Variants in ANKFY1 observed in about 807,000 individuals in gnomAD.
The protein encoded by ANKFY1 is ankyrin repeat and FYVE domain-containing protein 1.
A neutral mutation model predicts 128.3 loss-of-function variants in ANKFY1; 47 were observed. That is an observed-to-expected ratio of 0.37 (90% CI 0.29 to 0.47). The LOEUF is 0.47. Among genes scored for constraint, ANKFY1 ranks in the 20% least tolerant of loss-of-function variants. The pLI, the probability that ANKFY1 is intolerant of heterozygous loss-of-function variation, is 1.00. For synonymous variants in ANKFY1, 553 were observed against 601.6 expected (o/e 0.92, Z 1.18); for missense variants, 1,222 against 1,510.6 (o/e 0.81, Z 3.17).
Position 4,182,234 on chromosome 17 carries a change from G to C in ANKFY1, c.2068C>G (p.Pro690Ala). The stretch of plus-strand genomic sequence containing the variant: ...TTTGCCAATGCAAGCCACAGCGGGG[G>C]GTTCCCCTTCTCATCTGGCACAGAC... ...DMSVPDEKGN[P>A]PLWLALANNL... is the part of the protein sequence containing the mutation. The change falls in exon 15 of 25, where the codon CCC becomes GCC. Residue 690 changes from proline to alanine, a missense_variant. Coordinates refer to ENST00000341657, the MANE Select transcript of ANKFY1 (RefSeq NM_001330063.2). 1 of 1,583,688 alleles carries C rather than the reference G, an allele frequency of 6.3e-7. No homozygotes were observed.
At chr17:4,223,126 C>CA (rs1355677253) in intron 3 of ANKFY1, 1 of 761,390 alleles carries the variant, frequency 1.3e-6, no homozygotes, top group Non-Finnish European at 2.4e-6. Flanking sequence ...TTGGTCGAAA[C>CA]AAAGATCAAG....
chr17:4,225,055 T>TAAA (rs35710004), intron 3 of ANKFY1, among the ~76,000 whole-genome samples: 1 of 147,956 alleles, frequency 6.8e-6, no homozygotes, highest in Non-Finnish European at 1.5e-5. Context: ...GTTTTATATT[T>TAAA]AAAAAAAAAA....
intron 2 of ANKFY1, among the ~76,000 whole-genome samples, chr17:4,238,152 TAAAAAA>T (rs55944256): frequency 1.1e-5 from 1 of 92,668 alleles, no homozygotes; most frequent in Non-Finnish European, 2.1e-5. Context: ...CTTATTTATT[TAAAAAA>T]AAAAAAAAAA....
chr17:4,184,694 T>C, intron 12 of ANKFY1, 124 bp downstream of exon 12: 8 of 1,075,152 alleles, frequency 7.4e-6, no homozygotes, highest in Non-Finnish European at 1.1e-5. Flanking sequence ...CCTGAAAGGA[T>C]TTTTTGGGGG....
In ANKFY1 at chr17:4,166,397, G is replaced by A. The variant is rs905170094; in HGVS notation, c.*1382C>T. 6.6e-6 allele frequency: 1 copy of A among 152,656 alleles called. No homozygotes were observed. Among genetic ancestry groups the A allele is most frequent in the Non-Finnish European group, 1.5e-5 (1 of 68,050 alleles). The allele number at this position is 152,656 out of a possible 1,614,324, so 9.5% of individuals were successfully genotyped here. ...TATGATTGAGATTGTTAATCTCTGA[G>A]TATAACACATATTGTTCATCTCAGA... On this transcript the variant is annotated 3_prime_UTR_variant, in exon 25 of 25. Coordinates refer to ENST00000341657, the MANE Select transcript of ANKFY1 (RefSeq NM_001330063.2).
chr17:4,185,473 G>T (rs2143005751), intron 11 of ANKFY1, among the ~76,000 whole-genome samples: 1 of 151,830 alleles, frequency 6.6e-6, no homozygotes, highest in East Asian at 1.9e-4. Flanking sequence ...AAAGTGCTGG[G>T]ATTACAAGCG....
At chr17:4,260,107 TAACA>T in intron 1 of ANKFY1, among the ~76,000 whole-genome samples, 1 of 152,146 alleles carries the variant, frequency 6.6e-6, no homozygotes, top group Non-Finnish European at 1.5e-5. Flanking sequence ...TGTTAATACT[TAACA>T]GAGAACTGGA....
chr17:4,247,228 T>C (rs1967591265), intron 1 of ANKFY1, among the ~76,000 whole-genome samples: 1 of 152,086 alleles, frequency 6.6e-6, no homozygotes, highest in African/African-American at 2.4e-5. Flanking sequence ...TCAGCCATCT[T>C]CCCCCTCTCT....
At chr17:4,241,534 A>G (rs77970039) in intron 2 of ANKFY1, among the ~76,000 whole-genome samples, 32 of 151,332 alleles carry the variant, frequency 2.1e-4, no homozygotes, top group Non-Finnish European at 3.8e-4. Context: ...TCGGCCTCCC[A>G]AAGTGCTGGG....
At chr17:4,168,052 G>T in intron 24 of ANKFY1, 141 bp from the exon 25 acceptor site, 1 of 841,614 alleles carries the variant, frequency 1.2e-6, no homozygotes, top group South Asian at 2.2e-5. Context: ...TGCCAGCCCG[G>T]TTACCACAAT....
At chr17:4,221,546 T>C (rs2060312701) in intron 3 of ANKFY1, among the ~76,000 whole-genome samples, 1 of 152,208 alleles carries the variant, frequency 6.6e-6, no homozygotes, top group Admixed American at 6.5e-5. Context: ...TTTTAATCTG[T>C]AAAAAGCTGA....
At chr17:4,261,466 C>G (rs1311870423) in intron 1 of ANKFY1, among the ~76,000 whole-genome samples, 1 of 152,112 alleles carries the variant, frequency 6.6e-6, no homozygotes, top group African/African-American at 2.4e-5. Flanking sequence ...GGCAACAGAG[C>G]GAGACTCCCT....
intron 1 of ANKFY1, chr17:4,249,130 G>A (rs1967709008): frequency 1.0e-6 from 1 of 985,094 alleles, no homozygotes; most frequent in Non-Finnish European, 1.2e-6. Context: ...GAGAAACCAA[G>A]AATGATTTTT....
chr17:4,194,953 C>T (rs2059789550), intron 10 of ANKFY1, 25 bp downstream of exon 10: 12 of 1,614,020 alleles, frequency 7.4e-6, no homozygotes, highest in Non-Finnish European at 1.0e-5. Flanking sequence ...CCCAGCGTCG[C>T]CCCTTCGGGA....
intron 1 of ANKFY1, among the ~76,000 whole-genome samples, chr17:4,259,763 A>C (rs1029916564): frequency 3.5e-4 from 54 of 152,172 alleles, no homozygotes; most frequent in Non-Finnish European, 3.7e-4. Flanking sequence ...ATGCTCAATA[A>C]ATTCATACAT....
At chr17:4,187,151 T>TC (rs2059627144) in intron 11 of ANKFY1, 2 of 573,142 alleles carry the variant, frequency 3.5e-6, no homozygotes, top group South Asian at 1.8e-4. Flanking sequence ...CCCACCGCCC[T>TC]CCCAAGCTTC....
At chr17:4,224,028 G>A (rs569516993) in intron 3 of ANKFY1, among the ~76,000 whole-genome samples, 8 of 152,158 alleles carry the variant, frequency 5.3e-5, no homozygotes, top group African/African-American at 1.9e-4. Context: ...GAACTGAAAG[G>A]GTTTTTGTAA....
At chr17:4,223,569 C>A (rs1481851849) in intron 3 of ANKFY1, 32 of 1,242,488 alleles carry the variant, frequency 2.6e-5, no homozygotes, top group Non-Finnish European at 3.8e-5. Flanking sequence ...AGTTTTCTAG[C>A]ACTAGTGATG....
At chr17:4,174,225 A>C (rs562421700) in intron 19 of ANKFY1, among the ~76,000 whole-genome samples, 169 bp from the exon 20 acceptor site, 54 of 152,348 alleles carry the variant, frequency 3.5e-4, no homozygotes, top group African/African-American at 1.3e-3. Flanking sequence ...AGCAGAAACC[A>C]GCAAAACCCG....
Sources: allele counts gnomAD v4.1 joint callset (sites outside exome capture counted in the v4.1 genomes callset), GRCh38; gene constraint gnomAD v4.1.1; transcripts MANE v1.5; gene names NCBI Gene and HGNC (gene_info 2026-07-23, HGNC 2026-07-21).